CFAP45: variants seen among roughly 807,000 people sequenced by gnomAD.
CFAP45 encodes the protein cilia and flagella associated protein 45, also known as cilia- and flagella-associated protein 45.
A neutral mutation model predicts 75.6 loss-of-function variants in CFAP45; 43 were observed. That is an observed-to-expected ratio of 0.57 (90% confidence interval 0.45 to 0.73). The LOEUF is 0.73. Among genes scored for constraint, CFAP45 ranks in the 30% least tolerant of loss-of-function variants. CFAP45 has a pLI of 0.00. For missense variants in CFAP45, 689 were observed against 701.5 expected (o/e 0.98, Z 0.20); for synonymous variants, 223 against 244.6 (o/e 0.91, Z 0.82).
In CFAP45 at chr1:159,876,425, T is replaced by C. The variant is rs529329485; in HGVS notation, c.1352+131A>G. ...AAAGTTTCAATCATCCATCTAGTTA[T>C]AATGATCCCACCAACCCAGACAAGA... On this transcript the variant is annotated intron_variant, in intron 10 of 11. Transcript: ENST00000368099. The C allele has an allele frequency of 5.4e-5, 37 of 684,278 alleles. 1 individual carries two copies. The South Asian group carries it at 5.9e-4, about 11-fold the overall frequency. 42.4% of individuals were successfully genotyped at this position (684,278 alleles called of 1,614,324 possible). A position where few individuals can be genotyped will look rare whatever the true frequency, so the allele number is the denominator to read the frequency against.
intron 7 of CFAP45, among the ~76,000 whole-genome samples, chr1:159,884,229 A>C (rs1396425971): frequency 6.6e-6 from 1 of 151,494 alleles, no homozygotes; most frequent in Admixed American, 6.6e-5. Flanking sequence ...AGGAAGGGAC[A>C]ATATCTATCC....
chr1:159,876,848 G>C, intron 9 of CFAP45, 99 bp from the exon 10 acceptor site: 3 of 1,108,760 alleles, frequency 2.7e-6, no homozygotes, highest in Non-Finnish European at 4.0e-6. Flanking sequence ...CTGACAGTCT[G>C]CTTTGAAAAG....
At chr1:159,893,587 G>C (rs1322552063) in intron 1 of CFAP45, among the ~76,000 whole-genome samples, 3 of 152,168 alleles carry the variant, frequency 2.0e-5, no homozygotes, top group Non-Finnish European at 4.4e-5. Context: ...TAGAATGGTG[G>C]TTACCAGAGG....
chr1:159,882,231 C>T (rs900238340), intron 7 of CFAP45, among the ~76,000 whole-genome samples: 3 of 152,104 alleles, frequency 2.0e-5, no homozygotes, highest in African/African-American at 7.2e-5. Flanking sequence ...AACTCTCTCG[C>T]TCCTTTTCCC....
At chr1:159,899,065 A>G (rs1650012668) in intron 1 of CFAP45, among the ~76,000 whole-genome samples, 1 of 152,044 alleles carries the variant, frequency 6.6e-6, no homozygotes, top group Non-Finnish European at 1.5e-5. Flanking sequence ...CCAATAACCC[A>G]AGACTCCAAC....
rs374733790 is a variant in CFAP45, at chr1:159,888,443, A to G, written c.326T>C (p.Phe109Ser). ...GESLIISPEEFERIKWASHVL... is the reference protein window; with the variant it reads ...GESLIISPEESERIKWASHVL... ...ATGGGATGCCCATTTGATTCGCTCA[A>G]ACTCCTCAGGGCTGATGATTAGGGA... The change falls in exon 4 of 12, where the codon TTT becomes TCT. Residue 109 changes from phenylalanine (F) to serine (S), a missense_variant. Coordinates refer to ENST00000368099, the MANE Select transcript of CFAP45 (RefSeq NM_012337.3). The G allele has an allele frequency of 2.5e-6, 4 of 1,605,348 alleles. No individual in the cohort carries two copies. The highest frequency in any genetic ancestry group is 3.4e-5 in the Admixed American group (2 of 59,420).
rs372220283 is a variant in CFAP45 at position 159,872,453 on chromosome 1, C to T, written c.*32G>A. ...CAGAGACTGGGCAGAATCTGTCCCC[C>T]GAAGGCATCCTGAGGGCCACGAAGG... On this transcript the variant is annotated 3_prime_UTR_variant, in exon 12 of 12. Transcript: ENST00000368099. 117 of 1,575,752 alleles carry T rather than the reference C, an allele frequency of 7.4e-5. No individual in the cohort carries two copies. Among genetic ancestry groups the T allele is most frequent in the Middle Eastern group, 3.3e-4 (2 of 6,018 alleles).
Position 159,893,233 on chromosome 1 carries a change from G to A in CFAP45, c.76C>T (p.Arg26Trp), listed in dbSNP as rs774231764. The stretch of plus-strand genomic sequence containing the variant: ...ACCTCAGAGCTCACGGCTTTGGTCC[G>A]ATAGCGAGCCTTATTCCTTGACCTG... ...SNRSRNKARY[R>W]TKAVSSEVDE... is the part of the protein sequence containing the mutation. The change falls in exon 2 of 12, where the codon CGG (arginine) becomes TGG (tryptophan). Residue 26 changes from arginine (R) to tryptophan (W), a missense_variant. Arg to Trp is a moderately radical substitution (Grantham distance 101, BLOSUM62 -3). Coordinates refer to ENST00000368099, the MANE Select transcript of CFAP45 (RefSeq NM_012337.3). 2.5e-5 allele frequency: 40 copies of A among 1,613,954 alleles called. 1 individual carries two copies. The highest frequency in any genetic ancestry group is 2.0e-4 in the East Asian group (9 of 44,900).
In CFAP45 at chr1:159,893,212, C is replaced by G; in HGVS notation, c.97G>C (p.Glu33Gln). The G allele has an allele frequency of 1.2e-6, 2 of 1,614,094 alleles. No homozygotes were observed. Among genetic ancestry groups the G allele is most frequent in the Middle Eastern group, 3.3e-4 (2 of 6,044 alleles). Residue 33 changes from glutamate to glutamine, a missense_variant, in exon 2 of 12, where the codon GAG becomes CAG. Physicochemically the swap from Glu to Gln is conservative, Grantham distance 29. Transcript: ENST00000368099. Reference sequence around the variant, plus strand: ...TCTCCAAAGAGGCTCTCATCCACCTCAGAGCTCACGGCTTTGGTCCGATAG... The same window carrying G: ...TCTCCAAAGAGGCTCTCATCCACCTGAGAGCTCACGGCTTTGGTCCGATAG... ...ARYRTKAVSS[E>Q]VDESLFGDIK... is the part of the protein sequence containing the mutation.
rs1649578952 is a variant in CFAP45 at position 159,882,652 on chromosome 1, C to T, written c.897+1784G>A. On this transcript the variant is annotated intron_variant, in intron 7 of 11. Coordinates refer to ENST00000368099, the MANE Select transcript of CFAP45 (RefSeq NM_012337.3). ...GTTGCCCAATAATACTTCCTGGAGA[C>T]TCAGGGAGTGCCTGTTAGAAGGACA... 2.0e-5 allele frequency among the ~76,000 whole-genome samples: 3 copies of T among 152,144 alleles called. No homozygotes were observed. The South Asian group carries it at 6.2e-4, about 32-fold the overall frequency.
intron 3 of CFAP45, 80 bp from the exon 4 acceptor site, chr1:159,888,576 C>T (rs1649750896): frequency 2.2e-6 from 3 of 1,346,208 alleles, no homozygotes; most frequent in East Asian, 4.6e-5. Context: ...TGCTCTCTTC[C>T]CCTCTTCCCA....
chr1:159,893,312 GAA>G lies in CFAP45; in HGVS notation c.4-9_4-8del, dbSNP rs1557916419. The stretch of plus-strand genomic sequence containing the variant: ...TGCCAGCTGTGCTTAGTGGCTGCAG[GAA>G]GAGGCAGAAAGTTTGGGTCATCAGT... On this transcript the variant is annotated splice_polypyrimidine_tract_variant and splice_region_variant and intron_variant, in intron 1 of 11. Coordinates refer to ENST00000368099, the MANE Select transcript of CFAP45 (RefSeq NM_012337.3). 6.2e-7 allele frequency: 1 copy of G among 1,612,498 alleles called. No homozygotes were observed. Among genetic ancestry groups the G allele is most frequent in the Admixed American group, 1.7e-5 (1 of 60,012 alleles).
intron 7 of CFAP45, among the ~76,000 whole-genome samples, chr1:159,881,132 GCTTT>G (rs766905349): frequency 6.6e-6 from 1 of 152,150 alleles, no homozygotes; most frequent in Non-Finnish European, 1.5e-5. Flanking sequence ...TTAATTGAGT[GCTTT>G]CTATTTCTTG....
At chr1:159,896,211 A>G (rs1649948253) in intron 1 of CFAP45, among the ~76,000 whole-genome samples, 1 of 152,238 alleles carries the variant, frequency 6.6e-6, no homozygotes, top group South Asian at 2.1e-4. Flanking sequence ...AGGTTCCTCC[A>G]GGGCTGAGCC....
chr1:159,874,399 T>C (rs906450867), intron 10 of CFAP45, among the ~76,000 whole-genome samples: 1 of 152,154 alleles, frequency 6.6e-6, no homozygotes, highest in Non-Finnish European at 1.5e-5. Flanking sequence ...AAACATCTCC[T>C]AAAATTCTGT....
intron 6 of CFAP45, among the ~76,000 whole-genome samples, chr1:159,885,534 C>A (rs1649657464): frequency 6.6e-6 from 1 of 152,176 alleles, no homozygotes; most frequent in African/African-American, 2.4e-5. Flanking sequence ...AAATCTAGGA[C>A]ACTATTATTC....
At chr1:159,878,766 A>AAAAAAAAAAAAAAAAAAAAAAAAAAC (rs1649473954) in intron 8 of CFAP45, among the ~76,000 whole-genome samples, 1 of 136,950 alleles carries the variant, frequency 7.3e-6, no homozygotes, top group Non-Finnish European at 1.6e-5. Context: ...AAAAAAAAAA[A>AAAAAAAAAAAAAAAAAAAAAAAAAAC]AAAAAAAAAA....
intron 10 of CFAP45, among the ~76,000 whole-genome samples, chr1:159,874,289 C>T (rs1304521723): frequency 6.6e-6 from 1 of 152,140 alleles, no homozygotes; most frequent in Non-Finnish European, 1.5e-5. Flanking sequence ...CAAAAGGTAC[C>T]TACAACACTG....
chr1:159,891,549 C>T (rs1463400922), intron 2 of CFAP45, among the ~76,000 whole-genome samples: 2 of 152,058 alleles, frequency 1.3e-5, no homozygotes, highest in Non-Finnish European at 2.9e-5. Flanking sequence ...ATTCTCCGAC[C>T]CTGAAGGAGT....
Sources: gnomAD v4.1 joint callset for allele counts (sites outside exome capture counted in the v4.1 genomes callset) on GRCh38, gnomAD v4.1.1 for gene constraint, MANE v1.5 for transcripts, NCBI Gene and HGNC (gene_info 2026-07-23, HGNC 2026-07-21) for gene names.